The following OR2L13 variants were observed in gnomAD, a reference collection of about 807,000 sequenced individuals.
The protein encoded by OR2L13 is olfactory receptor family 2 subfamily L member 13.
Under a neutral mutation model 15.3 loss-of-function variants are expected in OR2L13, and 14 were observed. The observed-to-expected ratio is 0.91, with a 90% CI of 0.60 to 1.43. The LOEUF (loss-of-function observed/expected upper bound fraction) is 1.43, where lower values mean the gene tolerates loss of function less well. Among genes scored for constraint, OR2L13 ranks in the 40% most tolerant of loss-of-function variants. The probability of loss-of-function intolerance (pLI) is 0.00; values close to 1 mark genes in which losing one functional copy is unlikely to be tolerated. For synonymous variants in OR2L13, 152 were observed against 142.9 expected (o/e 1.06, Z -0.45); for missense variants, 367 against 387.9 (o/e 0.95, Z 0.45).
At chr1:248,068,339 T>C in the OR2L13 span, among the ~76,000 whole-genome samples, 2 of 152,048 alleles carry the variant, frequency 1.3e-5, no homozygotes, top group African/African-American at 4.8e-5. Flanking sequence ...TCGCGGTTCA[T>C]GAAAATCCGC....
chr1:248,061,142 A>G, the OR2L13 span: 1 of 1,613,542 alleles, frequency 6.2e-7, no homozygotes, highest in Non-Finnish European at 8.5e-7. Context: ...GGCTCGATCA[A>G]TGCTTGTGCT....
the OR2L13 span, among the ~76,000 whole-genome samples, chr1:247,955,770 C>T: frequency 4.6e-5 from 7 of 151,956 alleles, no homozygotes; most frequent in Admixed American, 1.3e-4. Context: ...TCATATTCTT[C>T]GCCTGCTTTT....
At chr1:248,066,934 C>T in the OR2L13 span, among the ~76,000 whole-genome samples, 1 of 152,132 alleles carries the variant, frequency 6.6e-6, no homozygotes, top group Non-Finnish European at 1.5e-5. Context: ...AATACTGATT[C>T]AATAGACTTT....
the OR2L13 span, among the ~76,000 whole-genome samples, chr1:247,941,143 A>G: frequency 6.6e-6 from 1 of 152,094 alleles, no homozygotes; most frequent in Non-Finnish European, 1.5e-5. Context: ...TATTCTGGGC[A>G]TTAGATATTT....
the OR2L13 span, chr1:247,965,758 C>T: frequency 6.3e-7 from 1 of 1,575,024 alleles, no homozygotes; most frequent in African/African-American, 1.4e-5. Context: ...AGCTATCTGT[C>T]ACCCTTTACA....
the OR2L13 span, among the ~76,000 whole-genome samples, chr1:248,044,199 T>C: frequency 6.6e-6 from 1 of 151,880 alleles, no homozygotes; most frequent in African/African-American, 2.4e-5. Flanking sequence ...GAGTGGACAA[T>C]AATTATGTTA....
upstream of OR2L13, among the ~76,000 whole-genome samples, chr1:248,097,054 C>G (rs1053497912): frequency 1.3e-5 from 2 of 152,144 alleles, no homozygotes; most frequent in African/African-American, 4.8e-5. Context: ...TAATGCATAA[C>G]CAATCACTGA....
At chr1:248,005,529 G>A in the OR2L13 span, among the ~76,000 whole-genome samples, 2 of 151,984 alleles carry the variant, frequency 1.3e-5, no homozygotes, top group African/African-American at 2.4e-5. Flanking sequence ...TGACTATTTG[G>A]GGTCTTTTAT....
At chr1:248,012,764 A>T in the OR2L13 span, among the ~76,000 whole-genome samples, 1 of 151,956 alleles carries the variant, frequency 6.6e-6, no homozygotes, top group Admixed American at 6.6e-5. Context: ...CATGAAATTG[A>T]AACCCATAAA....
the OR2L13 span, among the ~76,000 whole-genome samples, chr1:248,004,465 G>C: frequency 2.6e-5 from 4 of 152,200 alleles, no homozygotes; most frequent in African/African-American, 9.6e-5. Context: ...AATATCTCTT[G>C]ACTTGGTGGA....
the OR2L13 span, among the ~76,000 whole-genome samples, chr1:248,067,422 G>A: frequency 6.6e-6 from 1 of 152,158 alleles, no homozygotes; most frequent in Admixed American, 6.5e-5. Context: ...AAACTCCTAA[G>A]TATAATAAAA....
At chr1:248,060,664 A>T in the OR2L13 span, 1 of 1,590,202 alleles carries the variant, frequency 6.3e-7, no homozygotes, top group Non-Finnish European at 8.6e-7. Context: ...CCTTCAGGAA[A>T]GAGCACACGA....
At chr1:248,032,456 A>G in the OR2L13 span, among the ~76,000 whole-genome samples, 1 of 152,146 alleles carries the variant, frequency 6.6e-6, no homozygotes, top group Non-Finnish European at 1.5e-5. Flanking sequence ...AGTCATCTCC[A>G]GAATAGTTTC....
At chr1:247,975,507 A>G in the OR2L13 span, 6 of 983,918 alleles carry the variant, frequency 6.1e-6, no homozygotes, top group East Asian at 1.2e-4. Flanking sequence ...TATATCCAAG[A>G]TACCTGCAAT....
At chr1:248,081,050 C>A in the OR2L13 span, among the ~76,000 whole-genome samples, 53 of 152,272 alleles carry the variant, frequency 3.5e-4, no homozygotes, top group African/African-American at 1.2e-3. Context: ...TTTTTAAACA[C>A]ACAATGGGAA....
At chr1:248,038,502 A>G in the OR2L13 span, 17 of 1,613,882 alleles carry the variant, frequency 1.1e-5, no homozygotes, top group East Asian at 3.6e-4. Flanking sequence ...CATTGTTCCA[A>G]AGATGGTTTA....
At chr1:248,060,672 C>A in the OR2L13 span, 2 of 1,601,956 alleles carry the variant, frequency 1.2e-6, no homozygotes, top group Non-Finnish European at 1.7e-6. Context: ...AAAGAGCACA[C>A]GAATGCCCCA....
chr1:248,007,220 C>A, the OR2L13 span, among the ~76,000 whole-genome samples: 1 of 152,152 alleles, frequency 6.6e-6, no homozygotes, highest in African/African-American at 2.4e-5. Context: ...CAGTAAATGG[C>A]ATCATTGAAA....
At chr1:248,079,137 A>G in the OR2L13 span, among the ~76,000 whole-genome samples, 1 of 152,164 alleles carries the variant, frequency 6.6e-6, no homozygotes, top group Non-Finnish European at 1.5e-5. Context: ...ACATATAACA[A>G]CTGGTGAAAT....
Sources: allele counts gnomAD v4.1 joint callset (sites outside exome capture counted in the v4.1 genomes callset), GRCh38; gene constraint gnomAD v4.1.1; transcripts MANE v1.5; gene names NCBI Gene and HGNC (gene_info 2026-07-23, HGNC 2026-07-21).